Variants in GALNT18 observed in about 807,000 individuals in gnomAD.
GALNT18 encodes the protein polypeptide N-acetylgalactosaminyltransferase 18.
A neutral mutation model predicts 69.5 loss-of-function variants in GALNT18; 44 were observed. The ratio of observed to expected loss-of-function variants is 0.63; its 90% CI spans 0.50 to 0.81. The LOEUF (loss-of-function observed/expected upper bound fraction) is 0.81, where lower values mean the gene tolerates loss of function less well. GALNT18 is among the 40% of genes least tolerant of loss of function. The pLI is 0.00. For missense variants in GALNT18, 715 were observed against 810.0 expected, an observed-to-expected ratio of 0.88 and a Z score of 1.42; for synonymous variants, 364 against 318.2, an observed-to-expected ratio of 1.14 and a Z score of -1.53.
chr11:11,366,934 G>A (rs1196398585), intron 6 of GALNT18, among the ~76,000 whole-genome samples: 1 of 152,216 alleles, frequency 6.6e-6, no homozygotes, highest in African/African-American at 2.4e-5. Flanking sequence ...AAGATTTAAT[G>A]AGTTTAGAAT....
chr11:11,551,522 G>C (rs933861740), intron 1 of GALNT18, among the ~76,000 whole-genome samples: 1 of 152,112 alleles, frequency 6.6e-6, no homozygotes, highest in Admixed American at 6.5e-5. Flanking sequence ...TGAAATCAAG[G>C]GTGCAGTGGC....
chr11:11,533,482 G>A (rs1389625647), intron 1 of GALNT18, among the ~76,000 whole-genome samples: 3 of 152,040 alleles, frequency 2.0e-5, no homozygotes, highest in Non-Finnish European at 4.4e-5. Flanking sequence ...TCTCCCTAAG[G>A]AGCCACCAGG....
intron 10 of GALNT18, among the ~76,000 whole-genome samples, chr11:11,279,743 G>T (rs1421565613): frequency 6.6e-6 from 1 of 152,152 alleles, no homozygotes; most frequent in Non-Finnish European, 1.5e-5. Context: ...GGGAAGAAGG[G>T]ACTGGGAAGG....
At chr11:11,534,339 A>G (rs911058759) in intron 1 of GALNT18, among the ~76,000 whole-genome samples, 2 of 152,246 alleles carry the variant, frequency 1.3e-5, no homozygotes, top group Non-Finnish European at 2.9e-5. Flanking sequence ...GTATTAGCCC[A>G]TGGTAGGCAT....
rs1219300778 is a variant in GALNT18, at chr11:11,357,243, T to G, written c.1092+15272A>C. ...TCCCAGGAGAAGGTCTGTCTACAGC[T>G]GACCACCTAGAAGGCAACAAAATTT... On this transcript the variant is annotated intron_variant, in intron 6 of 10. Coordinates refer to ENST00000227756, the MANE Select transcript of GALNT18 (RefSeq NM_198516.3). Among the ~76,000 whole-genome samples, 4 of 152,046 alleles carry G rather than the reference T, an allele frequency of 2.6e-5. No individual in the cohort carries two copies. The East Asian group carries it at 7.7e-4, about 29-fold the overall frequency.
chr11:11,429,833 G>A (rs893004279), intron 3 of GALNT18, among the ~76,000 whole-genome samples: 1 of 152,174 alleles, frequency 6.6e-6, no homozygotes, highest in Admixed American at 6.5e-5. Context: ...TAACAGAGCT[G>A]TGAATCATTA....
chr11:11,281,863 C>T (rs1849082466), intron 10 of GALNT18, among the ~76,000 whole-genome samples: 1 of 151,870 alleles, frequency 6.6e-6, no homozygotes, highest in African/African-American at 2.4e-5. Flanking sequence ...AATATCTGAG[C>T]CTGTCAGGGA....
At chr11:11,366,579 T>TCC (rs1850775027) in intron 6 of GALNT18, among the ~76,000 whole-genome samples, 4 of 152,248 alleles carry the variant, frequency 2.6e-5, no homozygotes, top group Non-Finnish European at 5.9e-5. Flanking sequence ...GATAATACTA[T>TCC]CTGGCTTGCC....
chr11:11,596,012 AT>A lies in GALNT18; in HGVS notation c.235+25346del, dbSNP rs1215691977. 3.9e-5 allele frequency among the ~76,000 whole-genome samples: 6 copies of A among 151,980 alleles called. No individual in the cohort carries two copies. The highest frequency in any genetic ancestry group is 7.4e-5 in the Non-Finnish European group (5 of 67,986). On this transcript the variant is annotated intron_variant, in intron 1 of 10. Coordinates refer to ENST00000227756, the MANE Select transcript of GALNT18 (RefSeq NM_198516.3). The surrounding 1 kb of genome is among the most constrained non-coding windows in gnomAD (Gnocchi z 4.2). ...TTTGTCTTCTTCTAAGAGTTCTATG[AT>A]TTTATCTCTTATATTTAGTTCTATG...
At chr11:11,533,475 C>T (rs1001960971) in intron 1 of GALNT18, among the ~76,000 whole-genome samples, 3 of 152,174 alleles carry the variant, frequency 2.0e-5, no homozygotes, top group Non-Finnish European at 4.4e-5. Flanking sequence ...ACATACGTCT[C>T]CCTAAGGAGC....
rs1849632685 is a variant in GALNT18, at chr11:11,309,312, T to A, written c.1513-16119A>T. 6.6e-6 allele frequency among the ~76,000 whole-genome samples: 1 copy of A among 152,186 alleles called. No individual in the cohort carries two copies. Among genetic ancestry groups the A allele is most frequent in the African/African-American group, 2.4e-5 (1 of 41,456 alleles). ...CATTATAAATTTCTCAGCCTCAGGT[T>A]ATAGCAACACAAAATGACACACCTA... On this transcript the variant is annotated intron_variant, in intron 9 of 10. Transcript: ENST00000227756. The surrounding 1 kb of genome is among the most constrained non-coding windows in gnomAD (Gnocchi z 4.6).
At chr11:11,544,411 C>T (rs1421742966) in intron 1 of GALNT18, among the ~76,000 whole-genome samples, 1 of 152,172 alleles carries the variant, frequency 6.6e-6, no homozygotes, top group Non-Finnish European at 1.5e-5. Context: ...ATTTTGGGTG[C>T]ATTAAGTCAT....
At chr11:11,384,029 A>G (rs1208765258) in intron 3 of GALNT18, among the ~76,000 whole-genome samples, 1 of 151,988 alleles carries the variant, frequency 6.6e-6, no homozygotes. Context: ...ATAGACTAAT[A>G]CACTTACTAT....
rs1312098977 is a variant in GALNT18, at chr11:11,413,173, G to C, written c.595+19448C>G. Among the ~76,000 whole-genome samples, 2 of 152,176 alleles carry C rather than the reference G, an allele frequency of 1.3e-5. No homozygotes were observed. The highest frequency in any genetic ancestry group is 2.4e-5 in the African/African-American group (1 of 41,450). ...AATCTGTGTCTCAGAGTCTGCTTCT[G>C]GGGGAACAGCCTCTCCAAGGAGAAG... On this transcript the variant is annotated intron_variant, in intron 3 of 10. Transcript: ENST00000227756. The surrounding 1 kb of genome is among the most constrained non-coding windows in gnomAD (Gnocchi z 4.7).
Position 11,587,012 on chromosome 11 carries a change from A to G in GALNT18, c.235+34347T>C, listed in dbSNP as rs567942663. On this transcript the variant is annotated intron_variant, in intron 1 of 10. Coordinates refer to ENST00000227756, the MANE Select transcript of GALNT18 (RefSeq NM_198516.3). This position sits in a 1 kb window ranked among gnomAD's most constrained non-coding sequence, Gnocchi z 4.4. ...TCCAAATAAATAAATAAATAAATAA[A>G]TAAACTCAAATTTCCTCCCATTTTA... Among the ~76,000 whole-genome samples the G allele has an allele frequency of 1.3e-5, 2 of 152,098 alleles. No homozygotes were observed. The highest frequency in any genetic ancestry group is 4.2e-4 in the South Asian group (2 of 4,804).
intron 1 of GALNT18, among the ~76,000 whole-genome samples, chr11:11,548,346 A>G (rs570605901): frequency 2.0e-5 from 3 of 152,312 alleles, no homozygotes; most frequent in African/African-American, 7.2e-5. Context: ...TAGAAAAAAG[A>G]GAGAGGCAGC....
At chr11:11,569,880 G>T (rs1194385611) in intron 1 of GALNT18, among the ~76,000 whole-genome samples, 1 of 152,122 alleles carries the variant, frequency 6.6e-6, no homozygotes, top group Non-Finnish European at 1.5e-5. Context: ...AGAGAGAGAG[G>T]CCAGTCCATG....
intron 8 of GALNT18, among the ~76,000 whole-genome samples, chr11:11,328,265 G>A (rs1849959624): frequency 6.6e-6 from 1 of 152,202 alleles, no homozygotes. Flanking sequence ...GTAAGAGTCT[G>A]TGGTACCTTT....
At chr11:11,288,251 A>G (rs565418581) in intron 10 of GALNT18, among the ~76,000 whole-genome samples, 5 of 152,172 alleles carry the variant, frequency 3.3e-5, no homozygotes, top group Non-Finnish European at 7.3e-5. Flanking sequence ...TACTTGTCCC[A>G]TCAAAAACTC....
Sources: gnomAD v4.1 joint callset for allele counts (sites outside exome capture counted in the v4.1 genomes callset) on GRCh38, gnomAD v4.1.1 for gene constraint, Gnocchi (gnomAD v3.1) non-coding constraint, MANE v1.5 for transcripts, NCBI Gene and HGNC (gene_info 2026-07-23, HGNC 2026-07-21) for gene names.